Variants in KCNH1 observed in about 807,000 individuals in gnomAD.
KCNH1 encodes the protein voltage-gated delayed rectifier potassium channel KCNH1.
KCNH1 carries 27 observed loss-of-function variants against 69.2 expected under a neutral mutation model. The ratio of observed to expected loss-of-function variants is 0.39; its 90% CI spans 0.29 to 0.54. The LOEUF (loss-of-function observed/expected upper bound fraction) is 0.54. Among genes scored for constraint, KCNH1 ranks in the 20% least tolerant of loss-of-function variants. The probability of loss-of-function intolerance (pLI) is 0.68; values close to 1 mark genes in which losing one functional copy is unlikely to be tolerated. For missense variants in KCNH1, 798 were observed against 1,261.6 expected, an observed-to-expected ratio of 0.63 and a Z score of 5.57; for synonymous variants, 456 against 487.7, an observed-to-expected ratio of 0.93 and a Z score of 0.86.
chr1:210,953,003 TC>T (rs1255718734), intron 6 of KCNH1, among the ~76,000 whole-genome samples: 2 of 152,182 alleles, frequency 1.3e-5, no homozygotes, highest in Non-Finnish European at 2.9e-5. Flanking sequence ...TTATAGCTGT[TC>T]CAACTTTTCA....
chr1:210,955,584 G>A lies in KCNH1; in HGVS notation c.1033-35515C>T, dbSNP rs547555938. On this transcript the variant is annotated intron_variant, in intron 6 of 10. Coordinates refer to ENST00000271751, the MANE Select transcript of KCNH1 (RefSeq NM_172362.3). ...GTGTCCTCTTTTATTTCAGTAAGCA[G>A]TGGTTTGTAGTTCTCCTTGAAGGGG... is the stretch of plus-strand genomic sequence containing the variant. 1.5e-3 allele frequency among the ~76,000 whole-genome samples: 233 copies of A among 152,292 alleles called. 1 individual carries two copies. Among genetic ancestry groups the A allele is most frequent in the African/African-American group, 5.2e-3 (216 of 41,568 alleles).
At chr1:210,990,042 C>A (rs1688909943) in intron 6 of KCNH1, among the ~76,000 whole-genome samples, 1 of 152,214 alleles carries the variant, frequency 6.6e-6, no homozygotes, top group South Asian at 2.1e-4. Context: ...TTTAATGTGT[C>A]TTTCTTGCTG....
chr1:210,939,765 G>C (rs1384120816), intron 6 of KCNH1, among the ~76,000 whole-genome samples: 1 of 152,184 alleles, frequency 6.6e-6, no homozygotes, highest in East Asian at 1.9e-4. Flanking sequence ...AGCACAGCTA[G>C]AATTTGAACC....
chr1:211,041,057 C>T (rs757353292), intron 5 of KCNH1, among the ~76,000 whole-genome samples: 2 of 152,216 alleles, frequency 1.3e-5, no homozygotes, highest in Non-Finnish European at 2.9e-5. Flanking sequence ...CATAAATCAA[C>T]TCAACTTTCT....
intron 10 of KCNH1, among the ~76,000 whole-genome samples, chr1:210,724,814 C>T (rs1347816792): frequency 6.6e-6 from 1 of 152,148 alleles, no homozygotes; most frequent in Admixed American, 6.5e-5. Flanking sequence ...CAGACAGATG[C>T]GTCCTGCTGC....
chr1:210,825,158 T>G (rs1685009570), intron 7 of KCNH1, among the ~76,000 whole-genome samples: 3 of 152,308 alleles, frequency 2.0e-5, no homozygotes, highest in Middle Eastern at 6.8e-3. Flanking sequence ...AATACCCAAA[T>G]CTGAATAACC....
At chr1:211,095,735 A>G (rs181462548) in intron 3 of KCNH1, among the ~76,000 whole-genome samples, 1 of 152,290 alleles carries the variant, frequency 6.6e-6, no homozygotes, top group Admixed American at 6.5e-5. Flanking sequence ...CAGAAACTAG[A>G]CTTGAGGATG....
chr1:210,924,732 A>C lies in KCNH1; in HGVS notation c.1033-4663T>G, dbSNP rs140987362. Among the ~76,000 whole-genome samples, 4 of 152,276 alleles carry C rather than the reference A, an allele frequency of 2.6e-5. 1 individual carries two copies. The highest frequency in any genetic ancestry group is 9.6e-5 in the African/African-American group (4 of 41,550). ...CTACCAGGCACATATCACCACCAGC[A>C]ATGCTGTCACCATGACCAGTGGAAC... On this transcript the variant is annotated intron_variant, in intron 6 of 10. Coordinates refer to ENST00000271751, the MANE Select transcript of KCNH1 (RefSeq NM_172362.3).
intron 7 of KCNH1, among the ~76,000 whole-genome samples, chr1:210,911,372 T>C (rs1332840041): frequency 1.3e-5 from 2 of 152,118 alleles, no homozygotes; most frequent in Non-Finnish European, 2.9e-5. Flanking sequence ...CCAATAAATA[T>C]AGAAGGTCCT....
chr1:210,939,052 T>C (rs532697218), intron 6 of KCNH1, among the ~76,000 whole-genome samples: 1 of 152,316 alleles, frequency 6.6e-6, no homozygotes, highest in South Asian at 2.1e-4. Context: ...TGCCTCTCTG[T>C]GAAGCCCCCT....
intron 6 of KCNH1, among the ~76,000 whole-genome samples, chr1:210,974,582 G>C: frequency 2.0e-5 from 1 of 51,130 alleles, no homozygotes; most frequent in South Asian, 5.9e-4. Context: ...TTTTTTTTTT[G>C]AGATGGAGTC....
chr1:210,845,838 T>A (rs1281586081), intron 7 of KCNH1, among the ~76,000 whole-genome samples: 28 of 146,848 alleles, frequency 1.9e-4, no homozygotes, highest in South Asian at 1.3e-3. Context: ...CCCCATCGTC[T>A]CAGCCCAAAA....
rs186850171 is a variant in KCNH1, at chr1:210,996,324, C to T, written c.1032+22459G>A. On this transcript the variant is annotated intron_variant, in intron 6 of 10. Transcript: ENST00000271751. ...TCCAACGGGCTTAAAAAACGGCACA[C>T]CAGGAGATTATATCCGGCACCTGGT... Among the ~76,000 whole-genome samples the T allele has an allele frequency of 2.8e-4, 42 of 152,310 alleles. No homozygotes were observed. The East Asian group carries it at 8.1e-3, about 29-fold the overall frequency.
chr1:211,084,922 A>G (rs2102468788), intron 4 of KCNH1, among the ~76,000 whole-genome samples: 1 of 152,336 alleles, frequency 6.6e-6, no homozygotes, highest in Middle Eastern at 3.4e-3. Context: ...GGCCTCAGAG[A>G]GCACACACTC....
intron 6 of KCNH1, among the ~76,000 whole-genome samples, chr1:210,960,477 G>C (rs1382525483): frequency 6.6e-6 from 1 of 152,172 alleles, no homozygotes. Flanking sequence ...TGCCACTATA[G>C]ATCAGTTTGC....
intron 6 of KCNH1, among the ~76,000 whole-genome samples, chr1:210,932,421 C>G (rs1687695200): frequency 6.6e-6 from 1 of 151,892 alleles, no homozygotes; most frequent in African/African-American, 2.4e-5. Flanking sequence ...ACCACCAAAC[C>G]AAAAAGATAA....
chr1:211,090,469 T>C, intron 4 of KCNH1, 93 bp downstream of exon 4: 1 of 1,105,572 alleles, frequency 9.0e-7, no homozygotes. Flanking sequence ...GTTTGTAAAG[T>C]GATTGCCTTG....
intron 5 of KCNH1, among the ~76,000 whole-genome samples, chr1:211,035,320 C>A (rs1689876546): frequency 7.7e-6 from 1 of 130,294 alleles, no homozygotes; most frequent in South Asian, 2.5e-4. Flanking sequence ...GGGATCTCGG[C>A]TCACTGCAAG....
At chr1:210,791,019 AC>A (rs1684201088) in intron 9 of KCNH1, among the ~76,000 whole-genome samples, 1 of 152,138 alleles carries the variant, frequency 6.6e-6, no homozygotes, top group African/African-American at 2.4e-5. Flanking sequence ...GCCTCAGCTC[AC>A]ATCATCTTTT....
Sources: allele counts gnomAD v4.1 joint callset (sites outside exome capture counted in the v4.1 genomes callset), GRCh38; gene constraint gnomAD v4.1.1; transcripts MANE v1.5; gene names NCBI Gene and HGNC (gene_info 2026-07-23, HGNC 2026-07-21).